Variants in BUB1B observed in about 807,000 individuals in gnomAD.
BUB1B encodes the protein BUB1 mitotic checkpoint serine/threonine kinase B.
A neutral mutation model predicts 137.7 loss-of-function variants in BUB1B; 86 were observed. The observed-to-expected ratio is 0.62, with a 90% CI of 0.52 to 0.75. The LOEUF (loss-of-function observed/expected upper bound fraction) is 0.75, where lower values mean the gene tolerates loss of function less well. Among genes scored for constraint, BUB1B ranks in the 30% least tolerant of loss-of-function variants. BUB1B has a pLI of 0.00. For missense variants in BUB1B, 1,130 were observed against 1,236.9 expected, an observed-to-expected ratio of 0.91 and a Z score of 1.30; for synonymous variants, 420 against 417.9, an observed-to-expected ratio of 1.00 and a Z score of -0.06.
At position 40,195,555 on chromosome 15, in the gene BUB1B, C is replaced by T. The variant is rs989359532; in HGVS notation, c.1059-990C>T. Among the ~76,000 whole-genome samples, 17 of 152,290 alleles carry T rather than the reference C, an allele frequency of 1.1e-4. 2 individuals are homozygous for T. The highest frequency in any genetic ancestry group is 4.6e-4 in the Admixed American group (7 of 15,294). ...TACTTTTAGTTCCTTAAGGAATCTCCGTACTGTTTTCCATAGTGGTTGTAC... is the reference window on the plus strand; with the variant it reads ...TACTTTTAGTTCCTTAAGGAATCTCTGTACTGTTTTCCATAGTGGTTGTAC... On this transcript the variant is annotated intron_variant, in intron 8 of 22. Transcript: ENST00000287598.
At chr15:40,178,744 A>T (rs924262467) in intron 5 of BUB1B, among the ~76,000 whole-genome samples, 9 of 152,100 alleles carry the variant, frequency 5.9e-5, no homozygotes, top group Non-Finnish European at 1.2e-4. Flanking sequence ...ATGCATAAAC[A>T]TTTAGAATTG....
chr15:40,209,672 C>G lies in BUB1B; in HGVS notation c.2181C>G (p.Arg727=). Residue 727 remains arginine, a synonymous_variant, in exon 17 of 23, where the codon CGC becomes CGG. Coordinates refer to ENST00000287598, the MANE Select transcript of BUB1B (RefSeq NM_001211.6). The stretch of plus-strand genomic sequence containing the variant: ...AGTCACCATGGTGTTCACAGTATCG[C>G]AGACAGCTACTGAAGTCCCTACCAG... ...PTQSPWCSQY[R]RQLLKSLPEL... is the part of the protein sequence containing the mutation. 6.2e-7 allele frequency: 1 copy of G among 1,614,138 alleles called. No homozygotes were observed. The highest frequency in any genetic ancestry group is 8.5e-7 in the Non-Finnish European group (1 of 1,180,008).
rs1214497050 is a variant in BUB1B at position 40,168,743 on chromosome 15, C to T, written c.180-1319C>T. ...TTCTCCAGGGGTCTCCATTTGCTCTCGGTACTGACTTTATGTTATAGCTTA... is the reference window on the plus strand; with the variant it reads ...TTCTCCAGGGGTCTCCATTTGCTCTTGGTACTGACTTTATGTTATAGCTTA... On this transcript the variant is annotated intron_variant, in intron 2 of 22. Transcript: ENST00000287598. 3.2e-4 allele frequency among the ~76,000 whole-genome samples: 48 copies of T among 152,242 alleles called. 1 individual carries two copies. The highest frequency in any genetic ancestry group is 3.1e-3 in the Admixed American group (47 of 15,294).
At chr15:40,199,230 C>T (rs1167524049) in intron 9 of BUB1B, among the ~76,000 whole-genome samples, 2 of 152,200 alleles carry the variant, frequency 1.3e-5, no homozygotes. Flanking sequence ...GTCAAACATT[C>T]TCACGTCACC....
At chr15:40,196,440 C>A in intron 8 of BUB1B, 105 bp from the exon 9 acceptor site, 1 of 1,084,180 alleles carries the variant, frequency 9.2e-7, no homozygotes, top group South Asian at 1.3e-5. Flanking sequence ...ATTTGCAGAA[C>A]ATAATTATTG....
rs369932932 is a variant in BUB1B, at chr15:40,206,168, A to G, written c.1735-16A>G. 3.1e-6 allele frequency: 5 copies of G among 1,613,622 alleles called. No homozygotes were observed. The highest frequency in any genetic ancestry group is 1.3e-5 in the African/African-American group (1 of 74,912). The stretch of plus-strand genomic sequence containing the variant: ...TTGAAATATTTTAGCTAAACTTTAT[A>G]TGGTCTTTATTTCAGGATGAATTTA... On this transcript the variant is annotated splice_polypyrimidine_tract_variant and intron_variant, in intron 14 of 22. Coordinates refer to ENST00000287598, the MANE Select transcript of BUB1B (RefSeq NM_001211.6).
chr15:40,196,062 A>G lies in BUB1B; in HGVS notation c.1059-483A>G, dbSNP rs146966784. On this transcript the variant is annotated intron_variant, in intron 8 of 22. Coordinates refer to ENST00000287598, the MANE Select transcript of BUB1B (RefSeq NM_001211.6). ...GGTCATGAAGTCTTTACCGAAGCCA[A>G]TGTCTAGGAGGGTTTTTCCAGTGTT... is the stretch of plus-strand genomic sequence containing the variant. Among the ~76,000 whole-genome samples, 282 of 152,278 alleles carry G rather than the reference A, an allele frequency of 1.9e-3. 1 individual carries two copies. Among genetic ancestry groups the G allele is most frequent in the African/African-American group, 6.1e-3 (255 of 41,570 alleles).
In BUB1B at chr15:40,187,187, A is replaced by G. The variant is rs145276087; in HGVS notation, c.1058+1545A>G. The G allele has an allele frequency of 3.8e-3, 579 of 151,748 alleles. 5 individuals are homozygous for G. Among genetic ancestry groups the G allele is most frequent in the African/African-American group, 0.013 (554 of 41,140 alleles). 9.4% of individuals were successfully genotyped at this position (151,748 alleles called of 1,614,324 possible). A position where few individuals can be genotyped will look rare whatever the true frequency, so the allele number is the denominator to read the frequency against. ...GTTGCCCAGGCTGGAGTGCAGTGGCATGATCTCAGCTCACTGCAAGCTCTA... is the reference window on the plus strand; with the variant it reads ...GTTGCCCAGGCTGGAGTGCAGTGGCGTGATCTCAGCTCACTGCAAGCTCTA... On this transcript the variant is annotated intron_variant, in intron 8 of 22. Transcript: ENST00000287598.
chr15:40,213,568 C>A, intron 20 of BUB1B, 94 bp downstream of exon 20: 1 of 1,364,220 alleles, frequency 7.3e-7, no homozygotes. Context: ...GAGGGTCTCA[C>A]TCTGTCACCT....
At chr15:40,207,765 A>G (rs972095243) in intron 15 of BUB1B, among the ~76,000 whole-genome samples, 1 of 151,820 alleles carries the variant, frequency 6.6e-6, no homozygotes, top group African/African-American at 2.4e-5. Flanking sequence ...TGCTGAGTGC[A>G]TTGGCTCTTG....
At chr15:40,200,059 A>T (rs969725367) in intron 10 of BUB1B, 185 bp from the exon 11 acceptor site, 18 of 641,724 alleles carry the variant, frequency 2.8e-5, no homozygotes, top group Non-Finnish European at 5.0e-5. Flanking sequence ...GGCACTGCTC[A>T]GTTGAGTACA....
At chr15:40,175,868 C>G (rs1036870995) in intron 4 of BUB1B, among the ~76,000 whole-genome samples, 5 of 152,020 alleles carry the variant, frequency 3.3e-5, no homozygotes, top group Non-Finnish European at 5.9e-5. Flanking sequence ...GCTGAAATAC[C>G]CTTCCCTTCC....
At chr15:40,187,531 C>T (rs2037382874) in intron 8 of BUB1B, among the ~76,000 whole-genome samples, 1 of 151,646 alleles carries the variant, frequency 6.6e-6, no homozygotes, top group Admixed American at 6.6e-5. Flanking sequence ...TTTGAAGCTA[C>T]AGTAAGCTAT....
At position 40,200,102 on chromosome 15, in the gene BUB1B, T is replaced by C. The variant is rs563263129; in HGVS notation, c.1402-142T>C. 3.6e-4 allele frequency: 255 copies of C among 712,146 alleles called. 1 individual carries two copies. The highest frequency in any genetic ancestry group is 5.9e-4 in the Non-Finnish European group (235 of 395,294). The allele number at this position is 712,146 out of a possible 1,614,324, so 44.1% of individuals were successfully genotyped here. A position where few individuals can be genotyped will look rare whatever the true frequency, so the allele number is the denominator to read the frequency against. On this transcript the variant is annotated intron_variant, in intron 10 of 22. Transcript: ENST00000287598. ...TGGTTTAGAGTAGGAATAAAAATTA[T>C]TGGAAATGACTTTTGTGGTACACTC...
Position 40,196,724 on chromosome 15 carries a change from A to C in BUB1B, c.1238A>C (p.Glu413Ala). The C allele has an allele frequency of 6.2e-7, 1 of 1,614,104 alleles. No individual in the cohort carries two copies. Among genetic ancestry groups the C allele is most frequent in the Non-Finnish European group, 8.5e-7 (1 of 1,179,942 alleles). ...GCAGGAGTAGGGGAATTCTCCTTTG[A>C]AGAAATTCGGGCTGAAGTTTTCCGG... ...IYAGVGEFSF[E>A]EIRAEVFRKK... is the part of the protein sequence containing the mutation. The change falls in exon 9 of 23, where the codon GAA (glutamate) becomes GCA (alanine). Residue 413 changes from glutamate (E) to alanine (A), a missense_variant. Transcript: ENST00000287598.
intron 14 of BUB1B, among the ~76,000 whole-genome samples, chr15:40,204,658 A>G (rs938776367): frequency 6.6e-6 from 1 of 151,480 alleles, no homozygotes; most frequent in Non-Finnish European, 1.5e-5. Flanking sequence ...TCTTTTTTAG[A>G]CAGGGCCTCG....
intron 8 of BUB1B, among the ~76,000 whole-genome samples, chr15:40,193,280 C>G (rs569581789): frequency 2.0e-4 from 31 of 152,250 alleles, no homozygotes; most frequent in Admixed American, 1.8e-3. Flanking sequence ...TACCACCCAT[C>G]AATGAGAGCT....
chr15:40,176,794 C>T (rs1285164120), intron 5 of BUB1B, 121 bp downstream of exon 5: 3 of 1,043,488 alleles, frequency 2.9e-6, no homozygotes, highest in Admixed American at 2.6e-5. Flanking sequence ...AGTTACTATT[C>T]AATTTTTTTA....
In BUB1B at chr15:40,165,155, A is replaced by G. The variant is rs758916538; in HGVS notation, c.138A>G (p.Ala46=). 5 of 1,614,238 alleles carry G rather than the reference A, an allele frequency of 3.1e-6. No homozygotes were observed. Among genetic ancestry groups the G allele is most frequent in the Non-Finnish European group, 4.2e-6 (5 of 1,180,042 alleles). The change falls in exon 2 of 23, where the codon GCA becomes GCG. Residue 46 remains alanine (A), a synonymous_variant. Coordinates refer to ENST00000287598, the MANE Select transcript of BUB1B (RefSeq NM_001211.6). ...TGTCCACGCTTCAGGGAGCACTGGC[A>G]CAAGAATCTGCCTGTAACAATACTC... is the stretch of plus-strand genomic sequence containing the variant. ...RIMSTLQGAL[A]QESACNNTLQ... is the part of the protein sequence containing the mutation.
Sources: gnomAD v4.1 joint callset for allele counts (sites outside exome capture counted in the v4.1 genomes callset) on GRCh38, gnomAD v4.1.1 for gene constraint, MANE v1.5 for transcripts, NCBI Gene and HGNC (gene_info 2026-07-23, HGNC 2026-07-21) for gene names.